The following GPC6 variants were observed in gnomAD, a reference collection of about 807,000 sequenced individuals.
GPC6 encodes glypican-6.
In GPC6, 14 loss-of-function variants were observed where a neutral mutation model predicts 55.2. That is an observed-to-expected ratio of 0.25 (90% CI 0.17 to 0.40). The LOEUF is 0.40. Ranked by LOEUF, GPC6 falls within the 10% of genes least tolerant of loss-of-function variation. The pLI, the probability that GPC6 is intolerant of heterozygous loss-of-function variation, is 1.00. For missense variants in GPC6, 641 were observed against 708.5 expected (o/e 0.90, Z 1.08); for synonymous variants, 278 against 259.6 (o/e 1.07, Z -0.68).
intron 4 of GPC6, among the ~76,000 whole-genome samples, chr13:94,113,295 T>C (rs1308633103): frequency 1.3e-5 from 2 of 152,124 alleles, no homozygotes; most frequent in African/African-American, 2.4e-5. Context: ...TGTGAGCTGC[T>C]GAGTCTTGAG....
At chr13:94,065,948 G>T (rs1884502302) in intron 4 of GPC6, among the ~76,000 whole-genome samples, 1 of 152,148 alleles carries the variant, frequency 6.6e-6, no homozygotes, top group Admixed American at 6.5e-5. Context: ...CTGTGAATCA[G>T]CAAAGAGTTA....
At chr13:93,597,183 A>T (rs955909715) in intron 2 of GPC6, among the ~76,000 whole-genome samples, 5 of 152,124 alleles carry the variant, frequency 3.3e-5, no homozygotes, top group Non-Finnish European at 7.4e-5. Flanking sequence ...TGTTTGTCTC[A>T]TCCAGAAAAG....
chr13:93,747,302 G>A (rs1363374669), intron 2 of GPC6, among the ~76,000 whole-genome samples: 1 of 152,214 alleles, frequency 6.6e-6, no homozygotes, highest in African/African-American at 2.4e-5. Flanking sequence ...ATGTGAAAGA[G>A]CTGACAGGCA....
chr13:94,126,689 A>T (rs1241551146), intron 4 of GPC6, among the ~76,000 whole-genome samples: 2 of 152,074 alleles, frequency 1.3e-5, no homozygotes, highest in Non-Finnish European at 2.9e-5. Flanking sequence ...GAGTACAAAA[A>T]AATCAAATAT....
intron 2 of GPC6, among the ~76,000 whole-genome samples, chr13:93,612,543 A>ACACACACACACACACACACACAC (rs1566449513): frequency 1.3e-5 from 2 of 148,540 alleles, no homozygotes; most frequent in African/African-American, 5.0e-5. Flanking sequence ...ACACACACAC[A>ACACACACACACACACACACACAC]AACTTCATGT....
At chr13:94,175,986 A>AGAGAGGGAGC (rs1555304130) in intron 4 of GPC6, among the ~76,000 whole-genome samples, 1 of 131,206 alleles carries the variant, frequency 7.6e-6, no homozygotes, top group Non-Finnish European at 1.6e-5. Context: ...AGAGAGAGAG[A>AGAGAGGGAGC]GAGAGAGCGA....
At chr13:94,070,340 G>T (rs1043076638) in intron 4 of GPC6, among the ~76,000 whole-genome samples, 11 of 152,182 alleles carry the variant, frequency 7.2e-5, no homozygotes, top group African/African-American at 2.7e-4. Flanking sequence ...CGGAGTTACA[G>T]TTCAAGATGA....
intron 4 of GPC6, among the ~76,000 whole-genome samples, chr13:94,196,824 T>C (rs988499020): frequency 6.6e-6 from 1 of 152,196 alleles, no homozygotes; most frequent in Non-Finnish European, 1.5e-5. Flanking sequence ...ATTTCATGTT[T>C]GGAACTTTAA....
intron 4 of GPC6, among the ~76,000 whole-genome samples, chr13:94,224,616 G>A (rs966575467): frequency 6.6e-6 from 1 of 152,078 alleles, no homozygotes; most frequent in Non-Finnish European, 1.5e-5. Flanking sequence ...TTGCAAAATT[G>A]CCCTTGTTTG....
At chr13:93,506,572 C>T (rs1384315543) in intron 1 of GPC6, among the ~76,000 whole-genome samples, 1 of 152,034 alleles carries the variant, frequency 6.6e-6, no homozygotes, top group African/African-American at 2.4e-5. Flanking sequence ...TCCAGGCTAC[C>T]AGTGCATCTC....
chr13:93,484,440 T>C (rs2139345890), intron 1 of GPC6, among the ~76,000 whole-genome samples: 1 of 152,276 alleles, frequency 6.6e-6, no homozygotes, highest in South Asian at 2.1e-4. Context: ...TTCTGAAAGA[T>C]TTTTGTCTCT....
At chr13:93,428,773 C>T (rs955811562) in intron 1 of GPC6, among the ~76,000 whole-genome samples, 2 of 152,132 alleles carry the variant, frequency 1.3e-5, no homozygotes, top group African/African-American at 4.8e-5. Flanking sequence ...AAAACCTCTT[C>T]TTCCCTATAC....
At chr13:94,236,664 C>A (rs1196524140) in intron 4 of GPC6, among the ~76,000 whole-genome samples, 1 of 152,108 alleles carries the variant, frequency 6.6e-6, no homozygotes. Context: ...TTTAAAGATA[C>A]AAAATATACC....
intron 1 of GPC6, among the ~76,000 whole-genome samples, chr13:93,267,711 A>G (rs992645515): frequency 1.3e-5 from 2 of 152,166 alleles, no homozygotes; most frequent in African/African-American, 4.8e-5. Context: ...AAACAATGCC[A>G]AATATTGTTG....
chr13:94,025,452 G>A (rs1882861295), intron 3 of GPC6: 1 of 146,564 alleles, frequency 6.8e-6, no homozygotes, highest in African/African-American at 2.5e-5. Flanking sequence ...TGGGACACAT[G>A]TGATAAAGGA....
intron 3 of GPC6, among the ~76,000 whole-genome samples, chr13:93,900,516 C>A (rs914111180): frequency 6.6e-6 from 1 of 152,162 alleles, no homozygotes; most frequent in African/African-American, 2.4e-5. Context: ...TACCATTTTA[C>A]AACTCTTACA....
intron 1 of GPC6, among the ~76,000 whole-genome samples, chr13:93,294,224 T>C (rs1383875098): frequency 1.3e-5 from 2 of 152,228 alleles, no homozygotes; most frequent in East Asian, 1.9e-4. Context: ...CAATTTAGTT[T>C]TGACAAATGT....
At chr13:94,102,065 ATAT>A (rs1424897721) in intron 4 of GPC6, among the ~76,000 whole-genome samples, 1 of 152,072 alleles carries the variant, frequency 6.6e-6, no homozygotes, top group Non-Finnish European at 1.5e-5. Context: ...CATAATAAAT[ATAT>A]TATTATACCA....
intron 8 of GPC6, 66 bp downstream of exon 8, chr13:94,398,707 T>G (rs980264168): frequency 1.5e-4 from 194 of 1,334,326 alleles, no homozygotes; most frequent in Non-Finnish European, 1.9e-4. Context: ...GATGATGCCC[T>G]GACTTTCTTC....
Sources: gnomAD v4.1 joint callset for allele counts (sites outside exome capture counted in the v4.1 genomes callset) on GRCh38, gnomAD v4.1.1 for gene constraint, MANE v1.5 for transcripts, NCBI Gene and HGNC (gene_info 2026-07-23, HGNC 2026-07-21) for gene names.